The following ATP6V1C2 variants were observed in gnomAD, a reference collection of about 807,000 sequenced individuals.
The protein encoded by ATP6V1C2 is V-type proton ATPase subunit C 2.
ATP6V1C2 carries 45 observed loss-of-function variants against 56.8 expected under a neutral mutation model. That is an observed-to-expected ratio of 0.79 (90% CI 0.62 to 1.02). The LOEUF (loss-of-function observed/expected upper bound fraction) is 1.02. Ranked by LOEUF, ATP6V1C2 falls within the 50% of genes least tolerant of loss-of-function variation. The probability of loss-of-function intolerance (pLI) is 0.00; values close to 1 mark genes in which losing one functional copy is unlikely to be tolerated. For missense variants in ATP6V1C2, 463 were observed against 519.7 expected (o/e 0.89, Z 1.06); for synonymous variants, 220 against 201.3 (o/e 1.09, Z -0.79).
intron 2 of ATP6V1C2, 41 bp downstream of exon 2, chr2:10,723,019 C>A: frequency 1.9e-6 from 3 of 1,608,566 alleles, no homozygotes; most frequent in South Asian, 2.2e-5. Flanking sequence ...ATGGATTGGT[C>A]AGGGGGAGAC....
intron 3 of ATP6V1C2, among the ~76,000 whole-genome samples, chr2:10,744,019 T>TA (rs1662720251): frequency 6.7e-6 from 1 of 149,962 alleles, no homozygotes; most frequent in East Asian, 2.0e-4. Context: ...AATAAATAAA[T>TA]AAATAAATAA....
intron 3 of ATP6V1C2, among the ~76,000 whole-genome samples, chr2:10,728,749 T>C (rs1029336785): frequency 1.5e-5 from 2 of 135,470 alleles, no homozygotes; most frequent in Admixed American, 8.4e-5. Flanking sequence ...CACTCCGGCC[T>C]GGGCGAAAGA....
chr2:10,745,045 T>TC lies in ATP6V1C2; in HGVS notation c.198-8936_198-8935insC, dbSNP rs752763401. On this transcript the variant is annotated intron_variant, in intron 3 of 13. Transcript: ENST00000272238. ...TACCATTTGTTTATTTATTTTCTTT[T>TC]TTTTTTTTTTTTTTCTGAGACGGAA... 1.2e-3 allele frequency among the ~76,000 whole-genome samples: 178 copies of TC among 146,422 alleles called. 1 individual carries two copies. The highest frequency in any genetic ancestry group is 3.3e-3 in the African/African-American group (132 of 40,122).
At chr2:10,732,263 CTCTT>C (rs1173009050) in intron 3 of ATP6V1C2, among the ~76,000 whole-genome samples, 3 of 151,858 alleles carry the variant, frequency 2.0e-5, no homozygotes, top group Non-Finnish European at 2.9e-5. Context: ...CACTCTTTCT[CTCTT>C]TCTTTCTTTT....
At chr2:10,767,956 G>T (rs1036450506) in intron 5 of ATP6V1C2, 1 of 152,096 alleles carries the variant, frequency 6.6e-6, no homozygotes, top group African/African-American at 2.4e-5. Flanking sequence ...GTATAAAAAT[G>T]TGTATATTTA....
chr2:10,761,283 C>T (rs556269214), intron 4 of ATP6V1C2, among the ~76,000 whole-genome samples: 19 of 152,194 alleles, frequency 1.2e-4, no homozygotes, highest in Admixed American at 3.3e-4. Flanking sequence ...CCTGGGCTGC[C>T]GCTTGGTGCC....
intron 6 of ATP6V1C2, among the ~76,000 whole-genome samples, chr2:10,770,483 G>A (rs1431999251): frequency 6.6e-6 from 1 of 152,256 alleles, no homozygotes; most frequent in Non-Finnish European, 1.5e-5. Flanking sequence ...GAGCTATGGA[G>A]GATGGGACAG....
At chr2:10,747,624 C>T (rs1662992092) in intron 3 of ATP6V1C2, among the ~76,000 whole-genome samples, 1 of 152,006 alleles carries the variant, frequency 6.6e-6, no homozygotes, top group South Asian at 2.1e-4. Flanking sequence ...ACTCAGAAGG[C>T]TGAGGTGGGA....
chr2:10,751,461 CTG>C lies in ATP6V1C2; in HGVS notation c.198-2519_198-2518del, dbSNP rs1663207316. Reference sequence around the variant, plus strand: ...ATGTAAAAACATTTTACAGACAAAACTGAGATTAGTTAGGTAACTTACCTGAG... The same window carrying C: ...ATGTAAAAACATTTTACAGACAAAACAGATTAGTTAGGTAACTTACCTGAG... On this transcript the variant is annotated intron_variant, in intron 3 of 13. Coordinates refer to ENST00000272238, the MANE Select transcript of ATP6V1C2 (RefSeq NM_001039362.2). Among the ~76,000 whole-genome samples, 6 of 152,234 alleles carry C rather than the reference CTG, an allele frequency of 3.9e-5. No homozygotes were observed. In the South Asian group the frequency reaches 1.2e-3, roughly 32 times the overall value.
chr2:10,735,076 C>A (rs187965589), intron 3 of ATP6V1C2, among the ~76,000 whole-genome samples: 2 of 151,848 alleles, frequency 1.3e-5, no homozygotes, highest in East Asian at 1.9e-4. Context: ...CAGAGTGAGA[C>A]CCTGTTTGAA....
At chr2:10,762,946 T>A (rs1192471924) in intron 4 of ATP6V1C2, among the ~76,000 whole-genome samples, 1 of 152,048 alleles carries the variant, frequency 6.6e-6, no homozygotes, top group Admixed American at 6.6e-5. Context: ...CTCAGAGGAC[T>A]CCCCCAGAGT....
chr2:10,730,315 C>T (rs993641801), intron 3 of ATP6V1C2, among the ~76,000 whole-genome samples: 1 of 152,014 alleles, frequency 6.6e-6, no homozygotes, highest in Non-Finnish European at 1.5e-5. Flanking sequence ...GGGGTTTCAC[C>T]ATGTTGGGCA....
At chr2:10,747,532 AGATTTCACTTG>A (rs1265850015) in intron 3 of ATP6V1C2, among the ~76,000 whole-genome samples, 1 of 152,156 alleles carries the variant, frequency 6.6e-6, no homozygotes, top group Non-Finnish European at 1.5e-5. Flanking sequence ...CTCGGTCTAC[AGATTTCACTTG>A]GATATCACCG....
At chr2:10,768,891 A>G (rs1211611013) in intron 6 of ATP6V1C2, 81 bp downstream of exon 6, 20 of 1,125,230 alleles carry the variant, frequency 1.8e-5, no homozygotes, top group Non-Finnish European at 2.7e-5. Flanking sequence ...TCACTGGGCC[A>G]CCTGGGAGTC....
At chr2:10,725,256 A>G (rs1661575707) in intron 2 of ATP6V1C2, among the ~76,000 whole-genome samples, 1 of 151,852 alleles carries the variant, frequency 6.6e-6, no homozygotes, top group Non-Finnish European at 1.5e-5. Flanking sequence ...TCTACTAAAA[A>G]TATAAAAAAA....
chr2:10,738,723 A>G (rs1404169351), intron 3 of ATP6V1C2, among the ~76,000 whole-genome samples: 1 of 152,144 alleles, frequency 6.6e-6, no homozygotes, highest in Non-Finnish European at 1.5e-5. Flanking sequence ...CAAAGTTGGT[A>G]TCATTCTCAA....
chr2:10,754,126 C>T (rs574986409), intron 4 of ATP6V1C2, 60 bp downstream of exon 4: 94 of 1,452,238 alleles, frequency 6.5e-5, no homozygotes, highest in East Asian at 2.5e-4. Context: ...AGACCAGAGT[C>T]GTCCTTGCTG....
At chr2:10,728,935 G>GAGACC (rs1451994990) in intron 3 of ATP6V1C2, among the ~76,000 whole-genome samples, 1 of 142,760 alleles carries the variant, frequency 7.0e-6, no homozygotes, top group Non-Finnish European at 1.5e-5. Context: ...TGAAGAGCTT[G>GAGACC]AGACCATCCT....
intron 4 of ATP6V1C2, among the ~76,000 whole-genome samples, chr2:10,756,441 C>G (rs10182894): frequency 6.6e-6 from 1 of 151,726 alleles, no homozygotes; most frequent in Non-Finnish European, 1.5e-5. Context: ...GATATATTGC[C>G]GGGCGCAGTG....
Sources: allele counts gnomAD v4.1 joint callset (sites outside exome capture counted in the v4.1 genomes callset), GRCh38; gene constraint gnomAD v4.1.1; transcripts MANE v1.5; gene names NCBI Gene and HGNC (gene_info 2026-07-23, HGNC 2026-07-21).